Variants in MGRN1 observed in about 807,000 individuals in gnomAD.
MGRN1 encodes the protein E3 ubiquitin-protein ligase MGRN1.
A neutral mutation model predicts 69.2 loss-of-function variants in MGRN1; 29 were observed. That is an observed-to-expected ratio of 0.42 (90% CI 0.31 to 0.57). The LOEUF (loss-of-function observed/expected upper bound fraction) is 0.57, where lower values mean the gene tolerates loss of function less well. MGRN1 is among the 20% of genes least tolerant of loss of function. The pLI is 0.15. For missense variants in MGRN1, 998 were observed against 796.2 expected (o/e 1.25, Z -3.05); for synonymous variants, 470 against 344.2 (o/e 1.37, Z -4.04).
intron 16 of MGRN1, chr16:4,686,921 G>A (rs2079333998): frequency 5.1e-6 from 5 of 985,542 alleles, no homozygotes; most frequent in Non-Finnish European, 6.0e-6. Flanking sequence ...CTGTCTCTTG[G>A]AGGGAGTCCG....
At chr16:4,671,368 G>C in intron 8 of MGRN1, 23 bp from the exon 9 acceptor site, 7 of 1,613,072 alleles carry the variant, frequency 4.3e-6, no homozygotes, top group African/African-American at 1.3e-5. Flanking sequence ...CGAGGGCCCA[G>C]TGAGCCCCTC....
At chr16:4,653,106 C>T (rs1459388066) in intron 4 of MGRN1, among the ~76,000 whole-genome samples, 1 of 152,244 alleles carries the variant, frequency 6.6e-6, no homozygotes, top group Non-Finnish European at 1.5e-5. Flanking sequence ...TGCCCCACTT[C>T]AGATGCCACT....
At chr16:4,688,615 CAGTT>C in intron 16 of MGRN1, 177 bp from the exon 17 acceptor site, 1 of 1,382,622 alleles carries the variant, frequency 7.2e-7, no homozygotes, top group Non-Finnish European at 9.4e-7. Context: ...GTATTTGGCA[CAGTT>C]AGGGAGTCCC....
Position 4,682,911 on chromosome 16 carries a change from G to T in MGRN1, c.1447G>T (p.Ala483Ser). The T allele has an allele frequency of 6.2e-7, 1 of 1,605,612 alleles. No homozygotes were observed. The highest frequency in any genetic ancestry group is 8.5e-7 in the Non-Finnish European group (1 of 1,174,614). ...DVDAPPPLGGAELALRESSSP... is the reference protein window; with the variant it reads ...DVDAPPPLGGSELALRESSSP... ...GGACGCCCCTCCCCCACTGGGTGGC[G>T]CAGAGCTGGCCCTGCGGGAAAGCAG... The change falls in exon 14 of 17, where the codon GCA becomes TCA. Residue 483 changes from alanine to serine, a missense_variant. By Grantham distance (99) the Ala-to-Ser change is moderately conservative (BLOSUM62 1). Coordinates refer to ENST00000262370, the MANE Select transcript of MGRN1 (RefSeq NM_015246.4).
chr16:4,658,125 C>T (rs2141901349), intron 5 of MGRN1, among the ~76,000 whole-genome samples: 1 of 152,242 alleles, frequency 6.6e-6, no homozygotes, highest in Middle Eastern at 3.4e-3. Context: ...CTAGGCCCCT[C>T]TCCAGCTTTT....
Position 4,688,986 on chromosome 16 carries a change from G to A in MGRN1, c.*78G>A, listed in dbSNP as rs903931307. The A allele has an allele frequency of 2.0e-5, 29 of 1,457,508 alleles. No individual in the cohort carries two copies. Among genetic ancestry groups the A allele is most frequent in the East Asian group, 2.5e-5 (1 of 39,798 alleles). 90.3% of individuals were successfully genotyped at this position (1,457,508 alleles called of 1,614,324 possible). A position where few individuals can be genotyped will look rare whatever the true frequency, so the allele number is the denominator to read the frequency against. On this transcript the variant is annotated 3_prime_UTR_variant, in exon 17 of 17. Transcript: ENST00000262370. ...GGGGCTGCTCCGGACCCCGTTGTGA[G>A]CCGGCCTCCTGTCTGCATGCCCCCT...
In MGRN1 at chr16:4,657,359, A is replaced by T. The variant is rs2078569746; in HGVS notation, c.557A>T (p.Asp186Val). Residue 186 changes from aspartate (D) to valine (V), a missense_variant, in exon 5 of 17, where the codon GAC becomes GTC. Coordinates refer to ENST00000262370, the MANE Select transcript of MGRN1 (RefSeq NM_015246.4). ...ATTGACTTCTCGGAATGGAAGGATG[A>T]CGAGGTAATGCTGGCTGGGCGGCTC... is the stretch of plus-strand genomic sequence containing the variant. ...FKIDFSEWKDDELNFDLDRGV... is the reference protein window; with the variant it reads ...FKIDFSEWKDVELNFDLDRGV... The T allele has an allele frequency of 6.2e-7, 1 of 1,613,588 alleles. No individual in the cohort carries two copies. The highest frequency in any genetic ancestry group is 1.3e-5 in the African/African-American group (1 of 74,938).
At position 4,664,947 on chromosome 16, in the gene MGRN1, A is replaced by G. The variant is rs554862048; in HGVS notation, c.629-155A>G. 6.6e-5 allele frequency among the ~76,000 whole-genome samples: 10 copies of G among 152,280 alleles called. No homozygotes were observed. The South Asian group carries it at 2.1e-3, about 32-fold the overall frequency. ...GTCCCGGGCAGGTGAGGAGGTGGAA[A>G]GTGCAGGAGGGCAGGTCCCAGAACA... On this transcript the variant is annotated intron_variant, in intron 6 of 16. Transcript: ENST00000262370.
intron 5 of MGRN1, 35 bp downstream of exon 5, chr16:4,657,398 C>A: frequency 6.3e-7 from 1 of 1,583,510 alleles, no homozygotes; most frequent in South Asian, 1.1e-5. Context: ...GCCCTTCGCT[C>A]CTCCTGAATT....
chr16:4,632,730 A>G (rs976884928), intron 1 of MGRN1, among the ~76,000 whole-genome samples: 4 of 152,120 alleles, frequency 2.6e-5, no homozygotes, highest in Non-Finnish European at 5.9e-5. Context: ...TGCAGCCATC[A>G]CCACTGTCTA....
chr16:4,643,849 C>A (rs747279528), intron 1 of MGRN1, among the ~76,000 whole-genome samples: 3 of 152,030 alleles, frequency 2.0e-5, no homozygotes, highest in Non-Finnish European at 4.4e-5. Flanking sequence ...AGAAGAAATA[C>A]GAAAAAACAT....
chr16:4,664,927 G>C, intron 6 of MGRN1, 152 bp downstream of exon 6: 1 of 1,228,664 alleles, frequency 8.1e-7, no homozygotes, highest in South Asian at 1.3e-5. Flanking sequence ...TTGGAGTCCC[G>C]GGCAGGTGAG....
At chr16:4,685,300 C>G (rs568985228) in intron 16 of MGRN1, among the ~76,000 whole-genome samples, 1 of 152,262 alleles carries the variant, frequency 6.6e-6, no homozygotes, top group Non-Finnish European at 1.5e-5. Flanking sequence ...GGGGGAGCAT[C>G]TCAGAGGCTG....
rs1313191337 is a variant in MGRN1, at chr16:4,627,285, T to C, written c.88+2237T>C. ...AGGAGAAAGAGTCACTGGGTGGTAA[T>C]ATATGCATTTTTAACACCTAACACT... On this transcript the variant is annotated intron_variant, in intron 1 of 16. Transcript: ENST00000262370. Among the ~76,000 whole-genome samples, 8 of 152,354 alleles carry C rather than the reference T, an allele frequency of 5.3e-5. No homozygotes were observed. In the East Asian group the frequency reaches 1.3e-3, roughly 26 times the overall value.
intron 1 of MGRN1, among the ~76,000 whole-genome samples, chr16:4,644,563 G>A (rs898671428): frequency 2.6e-5 from 4 of 152,156 alleles, no homozygotes; most frequent in Admixed American, 6.5e-5. Flanking sequence ...ACCCACCTTG[G>A]CCTCCCAAAG....
At chr16:4,686,715 C>T (rs1355425336) in intron 16 of MGRN1, 8 of 1,017,826 alleles carry the variant, frequency 7.9e-6, no homozygotes, top group South Asian at 4.4e-5. Context: ...ATGGGGTGAG[C>T]GTCCCAAGGG....
Position 4,657,345 on chromosome 16 carries a change from G to T in MGRN1, c.543G>T (p.Ser181=). The part of the protein sequence containing the change: ...FSLPSFKIDF[S]EWKDDELNFD... ...TGCCCTCCTTCAAGATTGACTTCTC[G>T]GAATGGAAGGATGACGAGGTAATGC... Residue 181 remains serine (S), a synonymous_variant, in exon 5 of 17, where the codon TCG becomes TCT. Transcript: ENST00000262370. The T allele has an allele frequency of 6.2e-7, 1 of 1,614,006 alleles. No individual in the cohort carries two copies. The highest frequency in any genetic ancestry group is 8.5e-7 in the Non-Finnish European group (1 of 1,179,890).
At chr16:4,651,019 G>A (rs187194269) in intron 2 of MGRN1, 1 of 152,008 alleles carries the variant, frequency 6.6e-6, no homozygotes, top group African/African-American at 2.4e-5. Flanking sequence ...TGAGGCAGGA[G>A]AATCACTTGA....
chr16:4,650,271 C>A, intron 1 of MGRN1, 94 bp from the exon 2 acceptor site: 2 of 980,176 alleles, frequency 2.0e-6, no homozygotes, highest in South Asian at 3.3e-5. Flanking sequence ...CCACTGCACT[C>A]CAGCCTGGGT....
Sources: gnomAD v4.1 joint callset for allele counts (sites outside exome capture counted in the v4.1 genomes callset) on GRCh38, gnomAD v4.1.1 for gene constraint, MANE v1.5 for transcripts, NCBI Gene and HGNC (gene_info 2026-07-23, HGNC 2026-07-21) for gene names.